Variants in FRK observed in about 807,000 individuals in gnomAD.
FRK encodes tyrosine-protein kinase FRK.
FRK carries 51 observed loss-of-function variants against 56.4 expected under a neutral mutation model. That is an observed-to-expected ratio of 0.90 (90% confidence interval 0.72 to 1.14). The LOEUF is 1.14. FRK is among the 50% of genes most tolerant of loss of function. The pLI is 0.00. For missense variants in FRK, 570 were observed against 601.4 expected (o/e 0.95, Z 0.55); for synonymous variants, 245 against 217.9 (o/e 1.12, Z -1.10).
chr6:116,092,618 C>G, the FRK span, among the ~76,000 whole-genome samples: 3 of 152,194 alleles, frequency 2.0e-5, no homozygotes, highest in Non-Finnish European at 4.4e-5. Context: ...AGGAGGAAAA[C>G]TAGTGTTTCT....
In FRK at chr6:115,936,314, C is replaced by G. The variant is rs1772044064; in HGVS notation, c.*6100G>C. On this transcript the variant is annotated 3_prime_UTR_variant, in exon 8 of 8. Coordinates refer to ENST00000606080, the MANE Select transcript of FRK (RefSeq NM_002031.3). ...TAGTATGTCCACTCAGAGACCCCAT[C>G]CGAACATCAGCAGGATCAAAGACCA... is the stretch of plus-strand genomic sequence containing the variant. The G allele has an allele frequency of 6.6e-6, 1 of 152,166 alleles. No homozygotes were observed. 9.4% of individuals were successfully genotyped at this position (152,166 alleles called of 1,614,324 possible). A position where few individuals can be genotyped will look rare whatever the true frequency, so the allele number is the denominator to read the frequency against.
At chr6:116,061,781 A>G (rs1562312548), upstream of FRK, among the ~76,000 whole-genome samples, 1 of 151,208 alleles carries the variant, frequency 6.6e-6, no homozygotes, top group Non-Finnish European at 1.5e-5. Flanking sequence ...TCTCTCTATA[A>G]GACTTTTTTT....
At chr6:115,976,896 G>C (rs923235669) in intron 2 of FRK, among the ~76,000 whole-genome samples, 6 of 152,114 alleles carry the variant, frequency 3.9e-5, no homozygotes, top group African/African-American at 1.2e-4. Flanking sequence ...CAACAAAAGA[G>C]AGGCAGTTCC....
At chr6:116,094,922 A>G in the FRK span, among the ~76,000 whole-genome samples, 2 of 152,260 alleles carry the variant, frequency 1.3e-5, no homozygotes, top group Non-Finnish European at 2.9e-5. Context: ...GAAGTAGTAA[A>G]GAAAAAACAG....
At chr6:115,956,047 C>T (rs941244451) in intron 5 of FRK, among the ~76,000 whole-genome samples, 1 of 152,172 alleles carries the variant, frequency 6.6e-6, no homozygotes, top group Non-Finnish European at 1.5e-5. Context: ...ACATAGGATA[C>T]TTCCCTCCCT....
chr6:115,973,629 G>A (rs1773888776), intron 2 of FRK, among the ~76,000 whole-genome samples: 1 of 152,138 alleles, frequency 6.6e-6, no homozygotes, highest in Admixed American at 6.5e-5. Context: ...CAGCACTTTG[G>A]GAGGCCAAGG....
chr6:115,972,295 C>T (rs1308605946), intron 2 of FRK, among the ~76,000 whole-genome samples: 1 of 152,190 alleles, frequency 6.6e-6, no homozygotes, highest in Non-Finnish European at 1.5e-5. Flanking sequence ...CTTGCCCTGA[C>T]AATTACTAGG....
intron 1 of FRK, chr6:116,038,802 G>A (rs1200696405): frequency 4.0e-6 from 2 of 500,146 alleles, no homozygotes; most frequent in South Asian, 1.6e-5. Context: ...AAGATGAACC[G>A]ACGGAAGAAG....
At chr6:116,041,900 G>A (rs947470041) in intron 1 of FRK, among the ~76,000 whole-genome samples, 4 of 152,272 alleles carry the variant, frequency 2.6e-5, no homozygotes, top group South Asian at 4.2e-4. Context: ...AGACAGAACC[G>A]TTCACTCACC....
At chr6:116,014,507 A>C (rs1365438094) in intron 1 of FRK, among the ~76,000 whole-genome samples, 2 of 152,028 alleles carry the variant, frequency 1.3e-5, no homozygotes, top group African/African-American at 2.4e-5. Flanking sequence ...AAGTGAAGAA[A>C]CCAAAAAGGT....
intron 1 of FRK, among the ~76,000 whole-genome samples, chr6:116,011,278 A>C (rs958933743): frequency 2.0e-5 from 3 of 152,204 alleles, no homozygotes; most frequent in African/African-American, 7.2e-5. Flanking sequence ...TAGGTAACTC[A>C]TAATTCTTAT....
chr6:116,011,332 C>CA (rs1775459608), intron 1 of FRK, among the ~76,000 whole-genome samples: 1 of 152,158 alleles, frequency 6.6e-6, no homozygotes, highest in Non-Finnish European at 1.5e-5. Context: ...AGAGAAAACT[C>CA]ATGCCCAGCA....
chr6:116,060,435 A>T lies in FRK; in HGVS notation c.-124T>A. The T allele has an allele frequency of 2.8e-6, 2 of 717,428 alleles. No homozygotes were observed. The highest frequency in any genetic ancestry group is 4.6e-6 in the Non-Finnish European group (2 of 433,324). The allele number at this position is 717,428 out of a possible 1,614,324, so 44.4% of individuals were successfully genotyped here. A position where few individuals can be genotyped will look rare whatever the true frequency, so the allele number is the denominator to read the frequency against. Reference sequence around the variant, plus strand: ...ACCAACTCACCATACTTCGGAGAGTATGCAAAGTCCCGTTTCAGATCAGTC... The same window carrying T: ...ACCAACTCACCATACTTCGGAGAGTTTGCAAAGTCCCGTTTCAGATCAGTC... On this transcript the variant is annotated 5_prime_UTR_variant, in exon 1 of 8. Transcript: ENST00000606080.
In FRK at chr6:116,059,927, T is replaced by C. The variant is rs190144260; in HGVS notation, c.344+41A>G. 5 of 1,520,152 alleles carry C rather than the reference T, an allele frequency of 3.3e-6. No individual in the cohort carries two copies. The East Asian group carries it at 6.8e-5, about 21-fold the overall frequency. The allele number at this position is 1,520,152 out of a possible 1,614,324, so 94.2% of individuals were successfully genotyped here. A position where few individuals can be genotyped will look rare whatever the true frequency, so the allele number is the denominator to read the frequency against. On this transcript the variant is annotated intron_variant, in intron 1 of 7. Transcript: ENST00000606080. ...GAAAGGAAAACTCATTACCCAGCCC[T>C]CAGAGAGTTCAGAAATTAAGTATAA... is the stretch of plus-strand genomic sequence containing the variant.
the FRK span, among the ~76,000 whole-genome samples, chr6:116,099,877 T>G: frequency 6.6e-6 from 1 of 152,194 alleles, no homozygotes; most frequent in African/African-American, 2.4e-5. Flanking sequence ...CATAATAGAT[T>G]TGTATTTTCT....
chr6:115,956,251 CATAA>C (rs763022108), intron 5 of FRK, among the ~76,000 whole-genome samples, 197 bp downstream of exon 5: 23 of 152,146 alleles, frequency 1.5e-4, no homozygotes, highest in African/African-American at 5.1e-4. Context: ...TCTTCCACTG[CATAA>C]ATATTTTCCA....
upstream of FRK, among the ~76,000 whole-genome samples, chr6:116,065,406 A>T (rs1777742338): frequency 6.6e-6 from 1 of 152,154 alleles, no homozygotes; most frequent in Admixed American, 6.5e-5. Context: ...ACTCTCCACC[A>T]CATAGTCTTC....
chr6:115,957,959 A>G (rs535636952), intron 4 of FRK, among the ~76,000 whole-genome samples: 1 of 152,344 alleles, frequency 6.6e-6, no homozygotes, highest in East Asian at 1.9e-4. Context: ...TATCATTGAT[A>G]TGCATAGTCT....
intron 1 of FRK, among the ~76,000 whole-genome samples, chr6:116,017,438 G>A (rs893200604): frequency 6.6e-6 from 1 of 152,054 alleles, no homozygotes; most frequent in African/African-American, 2.4e-5. Flanking sequence ...TTTCTACATC[G>A]CTTTTCTTTT....
Sources: gnomAD v4.1 joint callset for allele counts (sites outside exome capture counted in the v4.1 genomes callset) on GRCh38, gnomAD v4.1.1 for gene constraint, MANE v1.5 for transcripts, NCBI Gene and HGNC (gene_info 2026-07-23, HGNC 2026-07-21) for gene names.